Variants in NAALADL2 observed in about 807,000 individuals in gnomAD.
The protein encoded by NAALADL2 is inactive N-acetylated-alpha-linked acidic dipeptidase-like protein 2.
Under a neutral mutation model 87.2 loss-of-function variants are expected in NAALADL2, and 76 were observed. The observed-to-expected ratio is 0.87, with a 90% CI of 0.72 to 1.05. The LOEUF (loss-of-function observed/expected upper bound fraction) is 1.05, where lower values mean the gene tolerates loss of function less well. Among genes scored for constraint, NAALADL2 ranks in the 50% least tolerant of loss-of-function variants. The pLI is 0.00. For synonymous variants in NAALADL2, 354 were observed against 331.0 expected, an observed-to-expected ratio of 1.07 and a Z score of -0.75; for missense variants, 1,089 against 945.8, an observed-to-expected ratio of 1.15 and a Z score of -1.99.
intron 5 of NAALADL2, among the ~76,000 whole-genome samples, chr3:175,373,697 G>A (rs7620220): frequency 0.089 from 13,484 of 152,112 alleles, 975 homozygotes; most frequent in African/African-American, 0.2. Flanking sequence ...AAATTGCTAG[G>A]TCACATAGTA....
rs1728300419 is a variant in NAALADL2 at position 174,688,981 on chromosome 3, G to A, written c.-114-48660G>A. ...AATGTTATCTTCAGAATCTTCATCT[G>A]TAAATAGGTTACTACATCAGCAAAA... On this transcript the variant is annotated intron_variant, in intron 2 of 3. Coordinates refer to the NAALADL2 transcript ENST00000434257. 2.6e-5 allele frequency among the ~76,000 whole-genome samples: 4 copies of A among 151,464 alleles called. No individual in the cohort carries two copies. In the South Asian group the frequency reaches 8.3e-4, roughly 32 times the overall value.
intron 2 of NAALADL2, among the ~76,000 whole-genome samples, chr3:174,565,075 C>A (rs1411075831): frequency 6.6e-6 from 1 of 151,872 alleles, no homozygotes; most frequent in African/African-American, 2.4e-5. Context: ...TGCATATACA[C>A]CCTCACCACC....
chr3:175,134,552 C>T (rs114826466), intron 2 of NAALADL2, among the ~76,000 whole-genome samples: 4,728 of 152,140 alleles, frequency 0.031, 135 homozygotes, highest in Admixed American at 0.067. Context: ...AACCCTTACA[C>T]CTAAATATTA....
Position 174,671,402 on chromosome 3 carries a change from T to G in NAALADL2, c.-114-66239T>G, listed in dbSNP as rs147397873. On this transcript the variant is annotated intron_variant, in intron 2 of 3. Coordinates refer to the NAALADL2 transcript ENST00000434257. The stretch of plus-strand genomic sequence containing the variant: ...AAAATTACTAATTACCTACTCTGTA[T>G]GAAGTATTCTCACAGATATTAGAAA... Among the ~76,000 whole-genome samples, 1,297 of 152,108 alleles carry G rather than the reference T, an allele frequency of 8.5e-3. 11 individuals are homozygous for G. Among genetic ancestry groups the G allele is most frequent in the African/African-American group, 0.03 (1,226 of 41,520 alleles).
chr3:175,707,209 C>T (rs1739839930), intron 11 of NAALADL2, among the ~76,000 whole-genome samples: 1 of 152,080 alleles, frequency 6.6e-6, no homozygotes, highest in African/African-American at 2.4e-5. Context: ...CATGTGCTAT[C>T]TGTTGCAACT....
At chr3:174,837,805 A>T (rs907007026) in intron 3 of NAALADL2, among the ~76,000 whole-genome samples, 1 of 151,886 alleles carries the variant, frequency 6.6e-6, no homozygotes, top group Non-Finnish European at 1.5e-5. Flanking sequence ...AAAAAAACAA[A>T]CACAAAAACA....
At chr3:174,711,338 A>G (rs1207304353) in intron 2 of NAALADL2, among the ~76,000 whole-genome samples, 1 of 152,200 alleles carries the variant, frequency 6.6e-6, no homozygotes, top group Non-Finnish European at 1.5e-5. Flanking sequence ...AAAATTTTCC[A>G]TCCCTCCACC....
At chr3:175,100,222 G>A (rs1038675488) in intron 2 of NAALADL2, among the ~76,000 whole-genome samples, 4 of 151,880 alleles carry the variant, frequency 2.6e-5, no homozygotes, top group African/African-American at 9.7e-5. Context: ...CCAACATGTA[G>A]CATGTAAAGC....
At chr3:175,697,179 A>T (rs1453077072) in intron 11 of NAALADL2, among the ~76,000 whole-genome samples, 1 of 152,028 alleles carries the variant, frequency 6.6e-6, no homozygotes, top group East Asian at 1.9e-4. Context: ...GTGAAATTTA[A>T]ACTGGTCTCT....
At chr3:175,503,135 A>G (rs905583718) in intron 9 of NAALADL2, among the ~76,000 whole-genome samples, 3 of 151,964 alleles carry the variant, frequency 2.0e-5, no homozygotes, top group Non-Finnish European at 4.4e-5. Flanking sequence ...CTGTTTGTTC[A>G]TATGTACTTG....
At chr3:175,374,156 ATTTAT>A (rs1766829532) in intron 5 of NAALADL2, among the ~76,000 whole-genome samples, 1 of 152,092 alleles carries the variant, frequency 6.6e-6, no homozygotes, top group Admixed American at 6.5e-5. Flanking sequence ...TAAAAGATAA[ATTTAT>A]TTATTTTTAT....
intron 5 of NAALADL2, among the ~76,000 whole-genome samples, chr3:175,351,467 A>ATT (rs5854625): frequency 4.0e-5 from 6 of 151,214 alleles, no homozygotes; most frequent in Non-Finnish European, 8.8e-5. Flanking sequence ...TTTCCAAATA[A>ATT]TTTTTTTTTG....
chr3:175,115,550 T>C (rs1724980408), intron 2 of NAALADL2, among the ~76,000 whole-genome samples: 1 of 151,684 alleles, frequency 6.6e-6, no homozygotes, highest in African/African-American at 2.4e-5. Context: ...ATAATGTTTG[T>C]GTAAAAGAGA....
At chr3:174,731,245 A>C (rs1732677559) in intron 2 of NAALADL2, among the ~76,000 whole-genome samples, 1 of 152,096 alleles carries the variant, frequency 6.6e-6, no homozygotes, top group Admixed American at 6.6e-5. Flanking sequence ...CATTGTGCAA[A>C]GGTTTGTCTT....
chr3:174,855,602 A>C (rs533923203), upstream of NAALADL2, among the ~76,000 whole-genome samples: 1 of 151,902 alleles, frequency 6.6e-6, no homozygotes, highest in Admixed American at 6.6e-5. Context: ...TTGCTAATCT[A>C]TGTCTTTGTT....
chr3:174,982,801 A>ATTT (rs150149804), intron 1 of NAALADL2, among the ~76,000 whole-genome samples: 97 of 151,746 alleles, frequency 6.4e-4, no homozygotes, highest in African/African-American at 2.0e-3. Context: ...ACCAGGTTAA[A>ATTT]ATTTTTTTTT....
At chr3:174,527,355 C>A (rs1031559329) in intron 1 of NAALADL2, among the ~76,000 whole-genome samples, 2 of 151,602 alleles carry the variant, frequency 1.3e-5, no homozygotes, top group African/African-American at 4.8e-5. Context: ...TCTGTCTCTA[C>A]TAAAAATACA....
chr3:175,650,932 A>G (rs1166571081), intron 11 of NAALADL2, among the ~76,000 whole-genome samples: 5 of 152,138 alleles, frequency 3.3e-5, no homozygotes, highest in Admixed American at 1.3e-4. Context: ...ATGCTGAATG[A>G]TATTATCGAA....
At chr3:175,246,411 T>C (rs1329475235) in intron 3 of NAALADL2, among the ~76,000 whole-genome samples, 1 of 152,184 alleles carries the variant, frequency 6.6e-6, no homozygotes, top group African/African-American at 2.4e-5. Context: ...AAACATTTTG[T>C]ACATTCTGAG....
Sources: allele counts gnomAD v4.1 joint callset (sites outside exome capture counted in the v4.1 genomes callset), GRCh38; gene constraint gnomAD v4.1.1; transcripts MANE v1.5; gene names NCBI Gene and HGNC (gene_info 2026-07-23, HGNC 2026-07-21).